The following PIK3CD variants were observed in gnomAD, a reference collection of about 807,000 sequenced individuals.
PIK3CD encodes phosphatidylinositol 4,5-bisphosphate 3-kinase catalytic subunit delta isoform.
A neutral mutation model predicts 122.9 loss-of-function variants in PIK3CD; 20 were observed. The ratio of observed to expected loss-of-function variants is 0.16; its 90% CI spans 0.11 to 0.24. The LOEUF (loss-of-function observed/expected upper bound fraction) is 0.24. PIK3CD is among the 10% of genes least tolerant of loss of function. The pLI is 1.00. For synonymous variants in PIK3CD, 596 were observed against 593.4 expected, an observed-to-expected ratio of 1.00 and a Z score of -0.06; for missense variants, 787 against 1,406.3, an observed-to-expected ratio of 0.56 and a Z score of 7.04.
At chr1:9,627,393 C>A in the PIK3CD span, among the ~76,000 whole-genome samples, 1 of 152,262 alleles carries the variant, frequency 6.6e-6, no homozygotes, top group African/African-American at 2.4e-5. Flanking sequence ...GATGGAAACC[C>A]GTGCACGAGG....
At chr1:9,670,225 C>G (rs1570126548) in intron 1 of PIK3CD, among the ~76,000 whole-genome samples, 1 of 151,002 alleles carries the variant, frequency 6.6e-6, no homozygotes, top group South Asian at 2.1e-4. Flanking sequence ...ACCACAACTT[C>G]TGTTTCTGAT....
intron 3 of PIK3CD, among the ~76,000 whole-genome samples, chr1:9,713,314 C>G (rs1465320082): frequency 6.6e-6 from 1 of 152,132 alleles, no homozygotes; most frequent in Non-Finnish European, 1.5e-5. Context: ...GCACTCCAGC[C>G]TGGGTGACAG....
In PIK3CD at chr1:9,720,158, C is replaced by T; in HGVS notation, c.1386C>T (p.Asn462=). ...LLNPTGTVRS[N]PNTDSAAALL... ...ACCCCACGGGCACTGTGCGCAGTAA[C>T]CCCAACACGGATAGCGCCGCTGCCC... The change falls in exon 11 of 24, where the codon AAC becomes AAT. Residue 462 remains asparagine, a synonymous_variant. Coordinates refer to ENST00000377346, the MANE Select transcript of PIK3CD (RefSeq NM_005026.5). This position sits in a 1 kb window ranked among gnomAD's most constrained non-coding sequence, Gnocchi z 9.0. 6.2e-7 allele frequency: 1 copy of T among 1,613,164 alleles called. No homozygotes were observed. The highest frequency in any genetic ancestry group is 1.3e-5 in the African/African-American group (1 of 75,040).
Position 9,715,436 on chromosome 1 carries a change from AG to A in PIK3CD, c.142-103del. 1.1e-6 allele frequency: 1 copy of A among 913,306 alleles called. No homozygotes were observed. The highest frequency in any genetic ancestry group is 1.8e-6 in the Non-Finnish European group (1 of 570,910). The allele number at this position is 913,306 out of a possible 1,614,324, so 56.6% of individuals were successfully genotyped here. A position where few individuals can be genotyped will look rare whatever the true frequency, so the allele number is the denominator to read the frequency against. Reference sequence around the variant, plus strand: ...TTGGGGTCTGCCTCTGCCCTCTGGGAGGTTTGGACCCCCAGGCTGGAGGCCA... The same window carrying A: ...TTGGGGTCTGCCTCTGCCCTCTGGGAGTTTGGACCCCCAGGCTGGAGGCCA... On this transcript the variant is annotated intron_variant, in intron 3 of 23. Transcript: ENST00000377346. This position sits in a 1 kb window ranked among gnomAD's most constrained non-coding sequence, Gnocchi z 4.1.
chr1:9,676,557 C>G (rs1451381844), intron 1 of PIK3CD, among the ~76,000 whole-genome samples: 2 of 152,242 alleles, frequency 1.3e-5, no homozygotes, highest in African/African-American at 2.4e-5. Context: ...CCTCCTTGCC[C>G]AACCCCTAGG....
upstream of PIK3CD, among the ~76,000 whole-genome samples, chr1:9,651,241 T>C (rs964010765): frequency 5.3e-5 from 8 of 152,186 alleles, no homozygotes; most frequent in African/African-American, 1.4e-4. Context: ...CCCTTCAAAA[T>C]ATGGCGAAGA....
chr1:9,694,112 A>AGCT (rs1267890817), intron 2 of PIK3CD, among the ~76,000 whole-genome samples: 1 of 152,194 alleles, frequency 6.6e-6, no homozygotes. Flanking sequence ...TATCCTGGGT[A>AGCT]GCTCCCCGAA....
chr1:9,665,825 C>T (rs527594773), intron 1 of PIK3CD, among the ~76,000 whole-genome samples: 2 of 152,214 alleles, frequency 1.3e-5, no homozygotes, highest in African/African-American at 2.4e-5. Flanking sequence ...GCGATCTCCA[C>T]TCACTGCGAC....
At chr1:9,637,682 G>A in the PIK3CD span, among the ~76,000 whole-genome samples, 4 of 151,948 alleles carry the variant, frequency 2.6e-5, no homozygotes, top group Admixed American at 6.6e-5. Flanking sequence ...CTTGGCTTGT[G>A]GCCACATCAC....
Position 9,715,985 on chromosome 1 carries a change from G to A in PIK3CD, c.507G>A (p.Leu169=). The A allele has an allele frequency of 6.2e-7, 1 of 1,612,534 alleles. No individual in the cohort carries two copies. ...CCTGGCTGCAGTACAGTTTCCCCCTGCAGCTGGAGCCCTCGGCTCAAACCT... is the reference window on the plus strand; with the variant it reads ...CCTGGCTGCAGTACAGTTTCCCCCTACAGCTGGAGCCCTCGGCTCAAACCT... ...WEAWLQYSFP[L]QLEPSAQTWG... is the part of the protein sequence containing the mutation. Residue 169 remains leucine (L), a synonymous_variant, in exon 5 of 24, where the codon CTG becomes CTA. Transcript: ENST00000377346. This position sits in a 1 kb window ranked among gnomAD's most constrained non-coding sequence, Gnocchi z 4.1.
At chr1:9,705,077 G>A (rs1199523709) in intron 2 of PIK3CD, among the ~76,000 whole-genome samples, 1 of 152,150 alleles carries the variant, frequency 6.6e-6, no homozygotes, top group East Asian at 1.9e-4. Context: ...TAAAATCCAA[G>A]AGAATGTGAT....
At chr1:9,631,810 T>C in the PIK3CD span, among the ~76,000 whole-genome samples, 2,352 of 152,254 alleles carry the variant, frequency 0.015, 70 homozygotes, top group African/African-American at 0.053. Flanking sequence ...TCATTCCAGT[T>C]GTCCTTGCTT....
At chr1:9,686,508 A>C (rs1320531464) in intron 1 of PIK3CD, among the ~76,000 whole-genome samples, 2 of 149,782 alleles carry the variant, frequency 1.3e-5, no homozygotes, top group African/African-American at 4.9e-5. Flanking sequence ...GCCTTAATTT[A>C]CTCTGATTTT....
rs765297753 is a variant in PIK3CD, at chr1:9,715,899, G to T, written c.421G>T (p.Ala141Ser). The T allele has an allele frequency of 6.2e-7, 1 of 1,612,254 alleles. No individual in the cohort carries two copies. The highest frequency in any genetic ancestry group is 2.2e-5 in the East Asian group (1 of 44,858). ...LCDPEVNDFR[A>S]KMCQFCEEAA... ...CGACCCAGAAGTGAACGACTTTCGC[G>T]CCAAGATGTGCCAATTCTGCGAGGA... Residue 141 changes from alanine (A) to serine (S), a missense_variant, in exon 5 of 24, where the codon GCC becomes TCC. Ala to Ser is a moderately conservative substitution (Grantham distance 99). Coordinates refer to ENST00000377346, the MANE Select transcript of PIK3CD (RefSeq NM_005026.5). This position sits in a 1 kb window ranked among gnomAD's most constrained non-coding sequence, Gnocchi z 4.1.
At chr1:9,697,298 TAAGC>T (rs1646457397) in intron 2 of PIK3CD, among the ~76,000 whole-genome samples, 1 of 152,128 alleles carries the variant, frequency 6.6e-6, no homozygotes, top group Non-Finnish European at 1.5e-5. Context: ...GATAAATACT[TAAGC>T]AACTGAAATT....
chr1:9,683,886 G>A (rs1570208542), intron 1 of PIK3CD, among the ~76,000 whole-genome samples: 1 of 152,278 alleles, frequency 6.6e-6, no homozygotes, highest in East Asian at 1.9e-4. Context: ...CATCACTCAT[G>A]TCTGGTACCT....
intron 1 of PIK3CD, among the ~76,000 whole-genome samples, chr1:9,659,685 GTGGGGGT>G (rs1644956914): frequency 6.6e-6 from 1 of 152,142 alleles, no homozygotes; most frequent in Non-Finnish European, 1.5e-5. Context: ...CTTAATCCGT[GTGGGGGT>G]ATGTATCAGA....
In PIK3CD at chr1:9,721,964, C is replaced by T. The variant is rs1648748790; in HGVS notation, c.2056-11C>T. 1 of 1,613,362 alleles carries T rather than the reference C, an allele frequency of 6.2e-7. No homozygotes were observed. The highest frequency in any genetic ancestry group is 1.7e-5 in the Admixed American group (1 of 60,010). On this transcript the variant is annotated splice_polypyrimidine_tract_variant and intron_variant, in intron 16 of 23. Coordinates refer to ENST00000377346, the MANE Select transcript of PIK3CD (RefSeq NM_005026.5). ...GACCTGCCCACCGCCGCCCTCCCATCTGCCCACCAGGGGGAAGCACTGAGC... is the reference window on the plus strand; with the variant it reads ...GACCTGCCCACCGCCGCCCTCCCATTTGCCCACCAGGGGGAAGCACTGAGC...
At position 9,721,792 on chromosome 1, in the gene PIK3CD, C is replaced by T. The variant is rs370028348; in HGVS notation, c.1987C>T (p.Arg663Cys). 6.8e-6 allele frequency: 11 copies of T among 1,613,120 alleles called. No homozygotes were observed. The highest frequency in any genetic ancestry group is 3.3e-5 in the Admixed American group (2 of 60,008). ...SEMHVPSVAL[R>C]FGLILEAYCR... ...GATGCACGTGCCGTCGGTGGCCCTG[C>T]GCTTCGGCCTCATCCTGGAGGCCTA... Residue 663 changes from arginine to cysteine, a missense_variant, in exon 16 of 24, where the codon CGC becomes TGC. By Grantham distance (180) the Arg-to-Cys change is radical. This residue lies in a region of PIK3CD where 592 missense variants were observed against 920.6 expected (regional missense o/e 0.64). Coordinates refer to ENST00000377346, the MANE Select transcript of PIK3CD (RefSeq NM_005026.5).
Sources: allele counts gnomAD v4.1 joint callset (sites outside exome capture counted in the v4.1 genomes callset), GRCh38; gene constraint gnomAD v4.1.1; regional missense constraint gnomAD v4.1.1; non-coding constraint Gnocchi (gnomAD v3.1); transcripts MANE v1.5; gene names NCBI Gene and HGNC (gene_info 2026-07-23, HGNC 2026-07-21).